LYRM4: variants seen among roughly 807,000 people sequenced by gnomAD.
The protein encoded by LYRM4 is LYR motif-containing protein 4.
In LYRM4, 9 loss-of-function variants were observed where a neutral mutation model predicts 11.7. The ratio of observed to expected loss-of-function variants is 0.77; its 90% CI spans 0.46 to 1.34. The LOEUF is 1.34. Ranked by LOEUF, LYRM4 falls within the 40% of genes most tolerant of loss-of-function variation. The pLI, the probability that LYRM4 is intolerant of heterozygous loss-of-function variation, is 0.00. For synonymous variants in LYRM4, 42 were observed against 40.4 expected (o/e 1.04, Z -0.15); for missense variants, 133 against 112.5 (o/e 1.18, Z -0.82).
At chr6:5,142,815 C>T (rs1757477924) in intron 2 of LYRM4, among the ~76,000 whole-genome samples, 1 of 152,230 alleles carries the variant, frequency 6.6e-6, no homozygotes, top group African/African-American at 2.4e-5. Context: ...GCCCAGGATG[C>T]TTTCCCTACG....
intron 1 of LYRM4, among the ~76,000 whole-genome samples, chr6:5,258,823 T>G (rs1168845587): frequency 6.6e-6 from 1 of 152,244 alleles, no homozygotes. Context: ...TTGCCCATAC[T>G]GAAACCCATT....
At chr6:5,240,918 A>G (rs1476108638) in intron 1 of LYRM4, among the ~76,000 whole-genome samples, 1 of 152,188 alleles carries the variant, frequency 6.6e-6, no homozygotes, top group Non-Finnish European at 1.5e-5. Flanking sequence ...AAGCACATCC[A>G]AAAATGCAAA....
intron 2 of LYRM4, among the ~76,000 whole-genome samples, chr6:5,201,501 C>T (rs1485018588): frequency 6.6e-6 from 1 of 152,220 alleles, no homozygotes; most frequent in African/African-American, 2.4e-5. Context: ...TGGCTAAATC[C>T]TCTTTTCAGC....
chr6:5,213,241 C>T (rs946798865), intron 2 of LYRM4, among the ~76,000 whole-genome samples: 2 of 152,200 alleles, frequency 1.3e-5, no homozygotes, highest in African/African-American at 2.4e-5. Context: ...TTTCCTGCAT[C>T]TCGGTTTCTC....
At chr6:5,169,148 G>A (rs1301834373) in intron 2 of LYRM4, among the ~76,000 whole-genome samples, 2 of 152,044 alleles carry the variant, frequency 1.3e-5, no homozygotes, top group Non-Finnish European at 1.5e-5. Context: ...AGGTTAGCCA[G>A]AAACTCCTGG....
chr6:5,181,507 C>T (rs1025418698), intron 2 of LYRM4, among the ~76,000 whole-genome samples: 2 of 152,176 alleles, frequency 1.3e-5, no homozygotes, highest in Non-Finnish European at 2.9e-5. Flanking sequence ...AGACCCCACG[C>T]GGGCCCATCT....
At chr6:5,055,052 A>G in the LYRM4 span, among the ~76,000 whole-genome samples, 1 of 152,122 alleles carries the variant, frequency 6.6e-6, no homozygotes, top group African/African-American at 2.4e-5. This position sits in a 1 kb window ranked among gnomAD's most constrained non-coding sequence, Gnocchi z 4.5. Context: ...GAAACCTGCT[A>G]TTTGGAGGCT....
At chr6:5,043,966 C>G in the LYRM4 span, among the ~76,000 whole-genome samples, 4 of 152,176 alleles carry the variant, frequency 2.6e-5, no homozygotes, top group African/African-American at 9.7e-5. Flanking sequence ...GTCCACAGCC[C>G]CCCTCTCGCT....
chr6:5,224,833 G>A (rs1762783144), intron 1 of LYRM4, among the ~76,000 whole-genome samples: 1 of 151,724 alleles, frequency 6.6e-6, no homozygotes, highest in Admixed American at 6.6e-5. Flanking sequence ...GGTGATGCAT[G>A]CCTGTAATCC....
intron 1 of LYRM4, among the ~76,000 whole-genome samples, chr6:5,249,027 T>C (rs906378795): frequency 6.6e-6 from 1 of 152,240 alleles, no homozygotes; most frequent in African/African-American, 2.4e-5. Flanking sequence ...TTAACTGAAT[T>C]GGCAAAGTGA....
chr6:5,139,445 A>G (rs916956400), intron 2 of LYRM4, among the ~76,000 whole-genome samples: 1 of 152,260 alleles, frequency 6.6e-6, no homozygotes, highest in Non-Finnish European at 1.5e-5. Flanking sequence ...GTATCAGATA[A>G]AAGTTAATGT....
chr6:5,099,391 C>CTCTATTTCTCTA (rs1762432561), downstream of LYRM4, among the ~76,000 whole-genome samples: 1 of 145,442 alleles, frequency 6.9e-6, no homozygotes, highest in East Asian at 2.1e-4. This position sits in a 1 kb window ranked among gnomAD's most constrained non-coding sequence, Gnocchi z 4.3. Flanking sequence ...AAATCTATTT[C>CTCTATTTCTCTA]TCTATCTATC....
chr6:5,170,625 C>T (rs561363274), intron 2 of LYRM4, among the ~76,000 whole-genome samples: 4 of 152,244 alleles, frequency 2.6e-5, no homozygotes, highest in Non-Finnish European at 4.4e-5. Flanking sequence ...CTCAGCCTCG[C>T]GACTTTCTTT....
At chr6:5,044,939 A>C in the LYRM4 span, among the ~76,000 whole-genome samples, 1,101 of 152,358 alleles carry the variant, frequency 7.2e-3, 16 homozygotes, top group African/African-American at 0.023. Flanking sequence ...ACTCCAAAGC[A>C]GAGATCCTAG....
At chr6:5,101,679 C>T (rs577795738), downstream of LYRM4, among the ~76,000 whole-genome samples, 1 of 152,302 alleles carries the variant, frequency 6.6e-6, no homozygotes, top group Non-Finnish European at 1.5e-5. Context: ...CAACATCACA[C>T]AGCCAGCTAG....
the LYRM4 span, chr6:5,086,508 CA>C: frequency 6.5e-7 from 1 of 1,535,236 alleles, no homozygotes; most frequent in African/African-American, 1.4e-5. Context: ...ACTGGGACAA[CA>C]ACGCGGGCGC....
At chr6:5,189,134 A>G (rs1265247159) in intron 2 of LYRM4, among the ~76,000 whole-genome samples, 9 of 152,206 alleles carry the variant, frequency 5.9e-5, no homozygotes, top group African/African-American at 2.2e-4. Flanking sequence ...TGTATTACAT[A>G]CAATTGTTAT....
At chr6:5,126,191 C>G (rs752253933) in intron 2 of LYRM4, among the ~76,000 whole-genome samples, 5 of 152,218 alleles carry the variant, frequency 3.3e-5, no homozygotes, top group Non-Finnish European at 5.9e-5. Context: ...AGAACAATGA[C>G]TCTTCCAGAG....
intron 2 of LYRM4, among the ~76,000 whole-genome samples, chr6:5,165,548 A>AT (rs1230205899): frequency 6.5e-4 from 87 of 132,856 alleles, no homozygotes; most frequent in African/African-American, 1.8e-3. Flanking sequence ...CCTATTTTTA[A>AT]TTTTTTTTTT....
Sources: allele counts gnomAD v4.1 joint callset (sites outside exome capture counted in the v4.1 genomes callset), GRCh38; gene constraint gnomAD v4.1.1; non-coding constraint Gnocchi (gnomAD v3.1); transcripts MANE v1.5; gene names NCBI Gene and HGNC (gene_info 2026-07-23, HGNC 2026-07-21).